Variants in PPT2 observed in about 807,000 individuals in gnomAD.
The protein encoded by PPT2 is lysosomal thioesterase PPT2.
Under a neutral mutation model 37.3 loss-of-function variants are expected in PPT2, and 20 were observed. The observed-to-expected ratio is 0.54, with a 90% CI of 0.38 to 0.78. The LOEUF (loss-of-function observed/expected upper bound fraction) is 0.78, where lower values mean the gene tolerates loss of function less well. Ranked by LOEUF, PPT2 falls within the 30% of genes least tolerant of loss-of-function variation. The pLI, the probability that PPT2 is intolerant of heterozygous loss-of-function variation, is 0.00. For synonymous variants in PPT2, 135 were observed against 159.1 expected (o/e 0.85, Z 1.14); for missense variants, 270 against 389.8 (o/e 0.69, Z 2.59).
chr6:32,163,162 C>A lies in PPT2; in HGVS notation c.*212C>A. The A allele has an allele frequency of 1.7e-6, 1 of 587,498 alleles. No homozygotes were observed. Among genetic ancestry groups the A allele is most frequent in the Non-Finnish European group, 3.0e-6 (1 of 337,446 alleles). 36.4% of individuals were successfully genotyped at this position (587,498 alleles called of 1,614,324 possible). A position where few individuals can be genotyped will look rare whatever the true frequency, so the allele number is the denominator to read the frequency against. Reference sequence around the variant, plus strand: ...GAATGACAATTCCAGGCCTCCCCTACCTCATGTCCTCTCATTTGGGGGATT... The same window carrying A: ...GAATGACAATTCCAGGCCTCCCCTAACTCATGTCCTCTCATTTGGGGGATT... On this transcript the variant is annotated 3_prime_UTR_variant, in exon 9 of 9. Transcript: ENST00000324816.
chr6:32,158,669 G>A (rs1442359454), intron 7 of PPT2, among the ~76,000 whole-genome samples: 1 of 152,200 alleles, frequency 6.6e-6, no homozygotes, highest in Non-Finnish European at 1.5e-5. Context: ...TAATAAGGCA[G>A]GGGAAAGGAT....
upstream of PPT2, chr6:32,153,746 G>T: frequency 7.3e-7 from 1 of 1,371,434 alleles, no homozygotes; most frequent in Non-Finnish European, 9.9e-7. This position sits in a 1 kb window ranked among gnomAD's most constrained non-coding sequence, Gnocchi z 4.4. Flanking sequence ...CCCAGCACAC[G>T]GCAAAATGCA....
In PPT2 at chr6:32,154,640, C is replaced by G. The variant is rs1783611919; in HGVS notation, c.46C>G (p.Leu16Val). ...GQRLPAAWVL[L>V]LLPFLPLLLL... is the part of the protein sequence containing the mutation. ...GCGGCTCCCCGCGGCGTGGGTCCTG[C>G]TTCTGTTGCCTTTCCTGCCGCTGCT... Residue 16 changes from leucine to valine, a missense_variant, in exon 2 of 9, where the codon CTT becomes GTT. Physicochemically the swap from Leu to Val is conservative, Grantham distance 32. Coordinates refer to ENST00000324816, the MANE Select transcript of PPT2 (RefSeq NM_005155.7). This position sits in a 1 kb window ranked among gnomAD's most constrained non-coding sequence, Gnocchi z 7.3. The G allele has an allele frequency of 6.2e-7, 1 of 1,612,776 alleles. No individual in the cohort carries two copies. The highest frequency in any genetic ancestry group is 8.5e-7 in the Non-Finnish European group (1 of 1,179,874).
rs1335730344 is a variant in PPT2 at position 32,162,106 on chromosome 6, G to C, written c.711-462G>C. Among the ~76,000 whole-genome samples, 1 of 152,236 alleles carries C rather than the reference G, an allele frequency of 6.6e-6. No homozygotes were observed. Among genetic ancestry groups the C allele is most frequent in the Non-Finnish European group, 1.5e-5 (1 of 68,048 alleles). ...GAAGTACATTATATCCAGTAAGGTA[G>C]TTTTGAGTGTCCTCCCTGCTACCTG... On this transcript the variant is annotated intron_variant, in intron 7 of 8. Coordinates refer to ENST00000324816, the MANE Select transcript of PPT2 (RefSeq NM_005155.7). The surrounding 1 kb of genome is among the most constrained non-coding windows in gnomAD (Gnocchi z 5.5).
intron 7 of PPT2, among the ~76,000 whole-genome samples, chr6:32,159,443 A>AAT (rs1298207158): frequency 7.7e-6 from 1 of 129,322 alleles, no homozygotes; most frequent in East Asian, 2.1e-4. Context: ...CAAAAAAAAA[A>AAT]AAAAAAAAAT....
At chr6:32,153,555 G>C (rs1020828577), upstream of PPT2, 4 of 1,542,954 alleles carry the variant, frequency 2.6e-6, no homozygotes, top group African/African-American at 5.5e-5. The surrounding 1 kb of genome is among the most constrained non-coding windows in gnomAD (Gnocchi z 4.4). Flanking sequence ...ACTGGGCCAG[G>C]CTGCACTTAG....
In PPT2 at chr6:32,155,934, A is replaced by G. The variant is rs777494940; in HGVS notation, c.497A>G (p.Tyr166Cys). 3 of 1,613,976 alleles carry G rather than the reference A, an allele frequency of 1.9e-6. No individual in the cohort carries two copies. The highest frequency in any genetic ancestry group is 1.7e-6 in the Non-Finnish European group (2 of 1,180,014). ...CGGTCTAACCTCTATCGGATCTGCT[A>G]TAGCCCCTGGGGCCAGGAATTCTCC... ...SMRSNLYRIC[Y>C]SPWGQEFSIC... Residue 166 changes from tyrosine to cysteine, a missense_variant, in exon 5 of 9, where the codon TAT becomes TGT. By Grantham distance (194) the Tyr-to-Cys change is radical. Transcript: ENST00000324816. The surrounding 1 kb of genome is among the most constrained non-coding windows in gnomAD (Gnocchi z 4.3).
Position 32,162,665 on chromosome 6 carries a change from C to T in PPT2, c.765+43C>T. ...ACTTCCCCTTCTAGCCGCTGTCCCA[C>T]CTTATTCCAGAGCCCTCTCTGTGAC... On this transcript the variant is annotated intron_variant, in intron 8 of 8. Transcript: ENST00000324816. This position sits in a 1 kb window ranked among gnomAD's most constrained non-coding sequence, Gnocchi z 5.5. 6.3e-7 allele frequency: 1 copy of T among 1,581,264 alleles called. No individual in the cohort carries two copies.
In PPT2 at chr6:32,162,850, G is replaced by T. The variant is rs767651019; in HGVS notation, c.809G>T (p.Arg270Leu). ...DSFGLKTLLA[R>L]GAIVRCPMAG... ...TTTGGGTTGAAGACTCTATTGGCCC[G>T]GGGGGCCATAGTGAGGTGTCCAATG... Residue 270 changes from arginine to leucine, a missense_variant, in exon 9 of 9, where the codon CGG (arginine) becomes CTG (leucine). By Grantham distance (102) the Arg-to-Leu change is moderately radical (BLOSUM62 -2). Coordinates refer to ENST00000324816, the MANE Select transcript of PPT2 (RefSeq NM_005155.7). This position sits in a 1 kb window ranked among gnomAD's most constrained non-coding sequence, Gnocchi z 5.5. The T allele has an allele frequency of 6.2e-7, 1 of 1,613,260 alleles. No individual in the cohort carries two copies. The highest frequency in any genetic ancestry group is 1.1e-5 in the South Asian group (1 of 91,050).
intron 7 of PPT2, among the ~76,000 whole-genome samples, chr6:32,159,457 T>C (rs41268912): frequency 1.2e-5 from 1 of 82,070 alleles, no homozygotes; most frequent in African/African-American, 4.8e-5. Context: ...AAAAAATATA[T>C]ATATATATAT....
At chr6:32,158,231 C>A in intron 7 of PPT2, 1 of 321,144 alleles carries the variant, frequency 3.1e-6, no homozygotes, top group Non-Finnish European at 5.7e-6. Flanking sequence ...TAGCAAGGCC[C>A]TTCACCCAGC....
Position 32,154,571 on chromosome 6 carries a change from A to C in PPT2, c.-8-16A>C, listed in dbSNP as rs137893908. ...GTTGCCATCTCCCTCACATGCCCTT[A>C]TCACCCCTTTCTCAGGCGGGAGCAT... On this transcript the variant is annotated splice_polypyrimidine_tract_variant and intron_variant, in intron 1 of 8. Transcript: ENST00000324816. The surrounding 1 kb of genome is among the most constrained non-coding windows in gnomAD (Gnocchi z 7.3). 2.9e-4 allele frequency: 468 copies of C among 1,602,726 alleles called. 2 individuals are homozygous for C. In the East Asian group the frequency reaches 8.3e-3, roughly 29 times the overall value.
Position 32,155,563 on chromosome 6 carries a change from AGTGT to A in PPT2, c.338-120_338-117del. On this transcript the variant is annotated intron_variant, in intron 3 of 8. Transcript: ENST00000324816. This position sits in a 1 kb window ranked among gnomAD's most constrained non-coding sequence, Gnocchi z 4.3. Reference sequence around the variant, plus strand: ...GTAAGCCTCAGTCTCCTTTGTGTACAGTGTGTGTCTGTGTGTGTCTCTGTGTGTG... The same window carrying A: ...GTAAGCCTCAGTCTCCTTTGTGTACAGTGTCTGTGTGTGTCTCTGTGTGTG... 1.3e-6 allele frequency: 1 copy of A among 772,156 alleles called. No individual in the cohort carries two copies. The highest frequency in any genetic ancestry group is 2.1e-6 in the Non-Finnish European group (1 of 469,974). 47.8% of individuals were successfully genotyped at this position (772,156 alleles called of 1,614,324 possible).
rs1783683896 is a variant in PPT2, at chr6:32,155,256, G to T, written c.337+73G>T. 1 of 1,559,702 alleles carries T rather than the reference G, an allele frequency of 6.4e-7. No homozygotes were observed. Among genetic ancestry groups the T allele is most frequent in the Admixed American group, 1.8e-5 (1 of 56,970 alleles). ...ATCCTTATCTGAGGGACACTTCCTAGCGTCCCTTTTTCTGAACCACATTGC... is the reference window on the plus strand; with the variant it reads ...ATCCTTATCTGAGGGACACTTCCTATCGTCCCTTTTTCTGAACCACATTGC... On this transcript the variant is annotated intron_variant, in intron 3 of 8. Coordinates refer to ENST00000324816, the MANE Select transcript of PPT2 (RefSeq NM_005155.7). The surrounding 1 kb of genome is among the most constrained non-coding windows in gnomAD (Gnocchi z 4.3).
At chr6:32,153,766 C>T, upstream of PPT2, 1 of 1,242,072 alleles carries the variant, frequency 8.1e-7, no homozygotes, top group East Asian at 2.6e-5. The surrounding 1 kb of genome is among the most constrained non-coding windows in gnomAD (Gnocchi z 4.4). Flanking sequence ...AGAGGACTAC[C>T]TTTCCCTGGT....
At chr6:32,154,030 C>T, upstream of PPT2, 1 of 1,172,640 alleles carries the variant, frequency 8.5e-7, no homozygotes, top group Non-Finnish European at 1.1e-6. This position sits in a 1 kb window ranked among gnomAD's most constrained non-coding sequence, Gnocchi z 7.3. Context: ...TTCCATTGCC[C>T]CTCCTGTCCT....
chr6:32,161,089 CT>C (rs929986853), intron 7 of PPT2, among the ~76,000 whole-genome samples: 3 of 151,652 alleles, frequency 2.0e-5, no homozygotes, highest in African/African-American at 7.3e-5. Flanking sequence ...ACATTAATAT[CT>C]TTTTTCTCTA....
chr6:32,161,784 G>A (rs1291174293), intron 7 of PPT2, among the ~76,000 whole-genome samples: 8 of 141,122 alleles, frequency 5.7e-5, no homozygotes, highest in African/African-American at 2.1e-4. Context: ...GGGTTTCTCC[G>A]TGTTGGCCAG....
chr6:32,154,008 C>A, upstream of PPT2: 1 of 1,235,886 alleles, frequency 8.1e-7, no homozygotes, highest in Non-Finnish European at 1.0e-6. This position sits in a 1 kb window ranked among gnomAD's most constrained non-coding sequence, Gnocchi z 7.3. Flanking sequence ...GCACCTAGGG[C>A]GCAATGGAAT....
Sources: allele counts gnomAD v4.1 joint callset (sites outside exome capture counted in the v4.1 genomes callset), GRCh38; gene constraint gnomAD v4.1.1; non-coding constraint Gnocchi (gnomAD v3.1); transcripts MANE v1.5; gene names NCBI Gene and HGNC (gene_info 2026-07-23, HGNC 2026-07-21).